Variants in NCAM2 observed in about 807,000 individuals in gnomAD.
The protein encoded by NCAM2 is N-CAM-2.
A neutral mutation model predicts 98.1 loss-of-function variants in NCAM2; 30 were observed. The observed-to-expected ratio is 0.31, with a 90% CI of 0.23 to 0.41. NCAM2 has a LOEUF of 0.41. Ranked by LOEUF, NCAM2 falls within the 10% of genes least tolerant of loss-of-function variation. The probability of loss-of-function intolerance (pLI) is 1.00; values close to 1 mark genes in which losing one functional copy is unlikely to be tolerated. For synonymous variants in NCAM2, 368 were observed against 342.4 expected (o/e 1.07, Z -0.83); for missense variants, 867 against 1,005.8 (o/e 0.86, Z 1.87).
intron 1 of NCAM2, among the ~76,000 whole-genome samples, chr21:21,135,079 CAAAAA>C (rs34541675): frequency 0.45 from 62,821 of 139,546 alleles, 14,023 homozygotes; most frequent in African/African-American, 0.58. Context: ...ACTAAAAATA[CAAAAA>C]AAAAAAAAAA....
intron 1 of NCAM2, among the ~76,000 whole-genome samples, chr21:21,218,251 C>T (rs1185447441): frequency 2.0e-5 from 3 of 152,092 alleles, no homozygotes; most frequent in East Asian, 1.9e-4. Context: ...GTCCAGTGCG[C>T]AGTAAAGTTA....
intron 11 of NCAM2, among the ~76,000 whole-genome samples, chr21:21,426,712 C>T (rs1021102824): frequency 4.6e-5 from 7 of 152,090 alleles, no homozygotes; most frequent in Non-Finnish European, 1.0e-4. Flanking sequence ...TCTGCAGAGC[C>T]TCTTGTCCAT....
Position 20,998,555 on chromosome 21 carries a change from G to T in NCAM2, c.-9G>T. On this transcript the variant is annotated 5_prime_UTR_variant, in exon 1 of 18. Coordinates refer to ENST00000400546, the MANE Select transcript of NCAM2 (RefSeq NM_004540.5). ...CTTTGAAACTGTCCACCGGTGTCAC[G>T]TCCTGAACATGAGCCTCCTCCTCTC... 1 of 1,613,844 alleles carries T rather than the reference G, an allele frequency of 6.2e-7. No homozygotes were observed. Among genetic ancestry groups the T allele is most frequent in the South Asian group, 1.1e-5 (1 of 91,086 alleles).
intron 9 of NCAM2, among the ~76,000 whole-genome samples, chr21:21,397,364 C>T (rs541956596): frequency 2.0e-5 from 3 of 152,180 alleles, no homozygotes; most frequent in Non-Finnish European, 1.5e-5. Flanking sequence ...TTGTATATGG[C>T]CCCCAGGCTG....
rs577247384 is a variant in NCAM2 at position 21,247,384 on chromosome 21, G to C, written c.56-33194G>C. Among the ~76,000 whole-genome samples the C allele has an allele frequency of 3.9e-5, 6 of 152,188 alleles. 1 individual carries two copies. The South Asian group carries it at 1.2e-3, about 32-fold the overall frequency. The stretch of plus-strand genomic sequence containing the variant: ...TTGCTTGCTTCTAGGGCTGTTTCAA[G>C]GAAATCTATTAAAGAGAAACGAAAT... On this transcript the variant is annotated intron_variant, in intron 1 of 17. Coordinates refer to ENST00000400546, the MANE Select transcript of NCAM2 (RefSeq NM_004540.5).
chr21:21,177,984 AAC>A lies in NCAM2; in HGVS notation c.56-102592_56-102591del, dbSNP rs1197961633. ...TAATGTCTGTCACATATTTTATAAA[AAC>A]AGTTTATATATTTTTATATTTGATT... On this transcript the variant is annotated intron_variant, in intron 1 of 17. Coordinates refer to ENST00000400546, the MANE Select transcript of NCAM2 (RefSeq NM_004540.5). 4.6e-5 allele frequency among the ~76,000 whole-genome samples: 7 copies of A among 152,280 alleles called. No homozygotes were observed. The South Asian group carries it at 1.4e-3, about 32-fold the overall frequency.
At chr21:21,272,496 A>ATG (rs1274231183) in intron 1 of NCAM2, among the ~76,000 whole-genome samples, 6 of 59,674 alleles carry the variant, frequency 1.0e-4, no homozygotes, top group East Asian at 5.4e-4. Context: ...ATACACACAC[A>ATG]TGCGCGCGCG....
chr21:21,419,090 T>G (rs2077052989), intron 11 of NCAM2, among the ~76,000 whole-genome samples: 1 of 152,176 alleles, frequency 6.6e-6, no homozygotes, highest in South Asian at 2.1e-4. Context: ...GGGTGTCATG[T>G]AATTTTAAAT....
At chr21:21,379,945 C>G (rs915867872) in intron 9 of NCAM2, among the ~76,000 whole-genome samples, 3 of 152,046 alleles carry the variant, frequency 2.0e-5, no homozygotes, top group African/African-American at 7.2e-5. Flanking sequence ...GTCCAATGTT[C>G]GAGGACAGGA....
chr21:21,068,520 C>G (rs866103088), intron 1 of NCAM2, among the ~76,000 whole-genome samples: 1 of 143,266 alleles, frequency 7.0e-6, no homozygotes, highest in African/African-American at 2.6e-5. Context: ...AGTGCAGTGG[C>G]GCAATCTCGG....
At chr21:21,218,134 G>A (rs373748589) in intron 1 of NCAM2, among the ~76,000 whole-genome samples, 1 of 152,156 alleles carries the variant, frequency 6.6e-6, no homozygotes, top group African/African-American at 2.4e-5. Context: ...ATTTATTACG[G>A]CAAAAATAGA....
intron 1 of NCAM2, among the ~76,000 whole-genome samples, chr21:21,120,801 C>T (rs1476335283): frequency 1.3e-5 from 2 of 151,484 alleles, no homozygotes; most frequent in African/African-American, 4.9e-5. Context: ...TCACTGCAAC[C>T]TCTGCCTCCC....
chr21:21,396,095 T>C (rs1188596028), intron 9 of NCAM2, among the ~76,000 whole-genome samples: 14 of 148,736 alleles, frequency 9.4e-5, no homozygotes, highest in African/African-American at 3.0e-4. Context: ...AGGAAGAGAA[T>C]CTTCACAAAC....
At chr21:21,417,225 T>G (rs2077013310) in intron 10 of NCAM2, among the ~76,000 whole-genome samples, 1 of 152,148 alleles carries the variant, frequency 6.6e-6, no homozygotes, top group Non-Finnish European at 1.5e-5. Flanking sequence ...ATAAGAATTT[T>G]TTGTTAAATC....
At chr21:21,278,181 TG>T (rs2072800360) in intron 1 of NCAM2, among the ~76,000 whole-genome samples, 1 of 151,802 alleles carries the variant, frequency 6.6e-6, no homozygotes, top group African/African-American at 2.4e-5. Flanking sequence ...TTTTCAAACT[TG>T]TAATATATTT....
At chr21:21,409,930 G>A (rs1042005044) in intron 9 of NCAM2, among the ~76,000 whole-genome samples, 6 of 152,136 alleles carry the variant, frequency 3.9e-5, no homozygotes, top group African/African-American at 1.2e-4. Context: ...TCAGGAGATC[G>A]AGACCATCCT....
At chr21:21,110,384 T>G (rs1264593596) in intron 1 of NCAM2, among the ~76,000 whole-genome samples, 1 of 151,912 alleles carries the variant, frequency 6.6e-6, no homozygotes, top group Non-Finnish European at 1.5e-5. Flanking sequence ...TTTCCCCAGT[T>G]TGGGTTTAAG....
intron 1 of NCAM2, among the ~76,000 whole-genome samples, chr21:21,155,691 A>G (rs1392245234): frequency 6.6e-6 from 1 of 151,972 alleles, no homozygotes; most frequent in Non-Finnish European, 1.5e-5. Context: ...ATGGTTATAT[A>G]CAGCGTATAC....
intron 1 of NCAM2, among the ~76,000 whole-genome samples, chr21:21,129,245 T>A (rs529410326): frequency 1.3e-5 from 2 of 152,274 alleles, no homozygotes; most frequent in Non-Finnish European, 2.9e-5. Flanking sequence ...CTTTTACTTT[T>A]AAAAATGTAT....
Sources: allele counts gnomAD v4.1 joint callset (sites outside exome capture counted in the v4.1 genomes callset), GRCh38; gene constraint gnomAD v4.1.1; transcripts MANE v1.5; gene names NCBI Gene and HGNC (gene_info 2026-07-23, HGNC 2026-07-21).